TAF1D: variants seen among roughly 807,000 people sequenced by gnomAD.
TAF1D encodes TATA box-binding protein-associated factor RNA polymerase I subunit D.
Under a neutral mutation model 26.2 loss-of-function variants are expected in TAF1D, and 23 were observed. The ratio of observed to expected loss-of-function variants is 0.88; its 90% CI spans 0.63 to 1.25. The LOEUF is 1.25. Ranked by LOEUF, TAF1D falls within the 50% of genes most tolerant of loss-of-function variation. The pLI is 0.00. For synonymous variants in TAF1D, 100 were observed against 105.6 expected (o/e 0.95, Z 0.33); for missense variants, 299 against 322.0 (o/e 0.93, Z 0.55).
At chr11:93,740,868 T>TC (rs1253013569) in intron 1 of TAF1D, among the ~76,000 whole-genome samples, 1 of 152,132 alleles carries the variant, frequency 6.6e-6, no homozygotes, top group Non-Finnish European at 1.5e-5. Flanking sequence ...TAGAAGACAC[T>TC]CCTACTTGGG....
At chr11:93,733,778 C>T (rs1431046215), downstream of TAF1D, 2 of 264,492 alleles carry the variant, frequency 7.6e-6, no homozygotes, top group Non-Finnish European at 1.5e-5. Flanking sequence ...CTGCCTTAGC[C>T]TCCAGAGTAG....
In TAF1D at chr11:93,730,308, AT is replaced by A. The variant is rs746851098; in HGVS notation, c.*1142del. On this transcript the variant is annotated 3_prime_UTR_variant and NMD_transcript_variant, in exon 12 of 12. Coordinates refer to the TAF1D transcript ENST00000323981. ...GTGTAAAGGTTTTTTAATTGTGTAT[AT>A]GTAGCATTAGACAAAATTATTTAAA... 5.1e-6 allele frequency: 7 copies of A among 1,360,462 alleles called. No homozygotes were observed. The East Asian group carries it at 1.5e-4, about 29-fold the overall frequency. 84.3% of individuals were successfully genotyped at this position (1,360,462 alleles called of 1,614,324 possible).
Position 93,738,367 on chromosome 11 carries a change from G to A in TAF1D, c.201C>T (p.Asp67=), listed in dbSNP as rs778946316. ...TCAATGGTATTGGTTCAAAAGATGA[G>A]TCACTTGATGAATCACTTGCGTGAA... ...ESVHASDSSS[D]SSFEPIPLTI... is the part of the protein sequence containing the mutation. The change falls in exon 3 of 6, where the codon GAC becomes GAT. Residue 67 remains aspartate (D), a synonymous_variant. Transcript: ENST00000448108. 1.9e-5 allele frequency: 30 copies of A among 1,613,800 alleles called. 1 individual carries two copies. In the South Asian group the frequency reaches 3.2e-4, roughly 17 times the overall value.
intron 3 of TAF1D, 120 bp from the exon 4 acceptor site, chr11:93,737,359 A>C: frequency 3.4e-6 from 2 of 592,880 alleles, no homozygotes; most frequent in South Asian, 2.8e-5. Flanking sequence ...TATCTTAACT[A>C]CTCCCCACTT....
chr11:93,731,393 G>C, downstream of TAF1D: 1 of 421,266 alleles, frequency 2.4e-6, no homozygotes, highest in Non-Finnish European at 4.7e-6. Flanking sequence ...AAAAATCAAT[G>C]ATCCCATGCC....
At chr11:93,736,947 C>T in intron 4 of TAF1D, 117 bp downstream of exon 4, 1 of 1,112,672 alleles carries the variant, frequency 9.0e-7, no homozygotes, top group Non-Finnish European at 1.3e-6. Context: ...AATTGTCATA[C>T]TCTGTATCTT....
At chr11:93,734,890 A>G (rs777082386), downstream of TAF1D, 18 of 779,200 alleles carry the variant, frequency 2.3e-5, no homozygotes, top group Non-Finnish European at 2.6e-5. Context: ...CCCCTTTCTG[A>G]GTAACTCCAA....
downstream of TAF1D, chr11:93,732,602 CTT>C: frequency 2.7e-6 from 1 of 377,058 alleles, no homozygotes; most frequent in South Asian, 2.1e-5. Flanking sequence ...ATAATTTGAG[CTT>C]TTTTCCTAAT....
chr11:93,736,371 C>G, intron 5 of TAF1D, 67 bp from the exon 6 acceptor site: 1 of 1,496,094 alleles, frequency 6.7e-7, no homozygotes, highest in Non-Finnish European at 8.9e-7. Context: ...TTACATATAG[C>G]TGAATGCCCT....
At chr11:93,741,174 T>A in intron 1 of TAF1D, 148 bp downstream of exon 1, 1 of 368,248 alleles carries the variant, frequency 2.7e-6, no homozygotes, top group Non-Finnish European at 5.3e-6. Flanking sequence ...TGGCGCGGAG[T>A]GGCCTGCGGC....
At chr11:93,734,479 T>C, downstream of TAF1D, 1 of 372,542 alleles carries the variant, frequency 2.7e-6, no homozygotes. Context: ...AATGTGTGAA[T>C]CTAGGATTCT....
downstream of TAF1D, chr11:93,732,336 G>A (rs1002861927): frequency 3.9e-6 from 2 of 517,320 alleles, no homozygotes; most frequent in East Asian, 1.1e-4. Context: ...ATATCAAACT[G>A]AACACTCTGA....
chr11:93,733,166 G>T (rs866681944), downstream of TAF1D: 3 of 508,106 alleles, frequency 5.9e-6, no homozygotes, highest in Non-Finnish European at 1.2e-5. Context: ...TACATTTCCA[G>T]TTATTAAAAC....
downstream of TAF1D, chr11:93,735,132 C>A (rs757184505): frequency 5.9e-5 from 80 of 1,349,162 alleles, no homozygotes; most frequent in Non-Finnish European, 7.2e-5. Flanking sequence ...TTATATGTAT[C>A]AAAACTCATA....
chr11:93,738,379 A>T lies in TAF1D; in HGVS notation c.189T>A (p.Asp63Glu). Residue 63 changes from aspartate (D) to glutamate (E), a missense_variant, in exon 3 of 6, where the codon GAT becomes GAA. Transcript: ENST00000448108. ...VRTPESVHAS[D>E]SSSDSSFEPI... Reference sequence around the variant, plus strand: ...GTTCAAAAGATGAGTCACTTGATGAATCACTTGCGTGAACACTTTCAGGTG... The same window carrying T: ...GTTCAAAAGATGAGTCACTTGATGATTCACTTGCGTGAACACTTTCAGGTG... 6.2e-7 allele frequency: 1 copy of T among 1,613,990 alleles called. No homozygotes were observed. The highest frequency in any genetic ancestry group is 8.5e-7 in the Non-Finnish European group (1 of 1,179,984).
downstream of TAF1D, chr11:93,734,066 TCTAA>T (rs1175892319): frequency 2.6e-5 from 4 of 152,620 alleles, no homozygotes. Flanking sequence ...AAGTTTAAAG[TCTAA>T]CTGTTGTTAT....
chr11:93,740,100 G>A (rs1941572909), intron 1 of TAF1D, among the ~76,000 whole-genome samples: 1 of 151,734 alleles, frequency 6.6e-6, no homozygotes, highest in African/African-American at 2.4e-5. Flanking sequence ...CTTGAGCCCA[G>A]GAGCTCAAGA....
intron 2 of TAF1D, chr11:93,738,994 A>T (rs1565244594): frequency 1.9e-6 from 1 of 518,944 alleles, no homozygotes; most frequent in Non-Finnish European, 3.4e-6. Context: ...TCTGGAAGAG[A>T]TGCTAATATG....
chr11:93,738,286 C>CT lies in TAF1D; in HGVS notation c.281dup (p.Lys95GlufsTer28), dbSNP rs746556335. ...CTGTTGGCTGGTACCTCCTCTTTTTCTTTTTTTTATATCTCTTTTTCCTGT... is the reference window on the plus strand; with the variant it reads ...CTGTTGGCTGGTACCTCCTCTTTTTCTTTTTTTTTATATCTCTTTTTCCTGT... On this transcript the variant is annotated frameshift_variant, in exon 3 of 6. Coordinates refer to ENST00000448108, the MANE Select transcript of TAF1D (RefSeq NM_024116.4). LOFTEE classifies it high-confidence loss of function. 4.4e-6 allele frequency: 7 copies of CT among 1,608,272 alleles called. No homozygotes were observed. The highest frequency in any genetic ancestry group is 2.2e-5 in the South Asian group (2 of 89,654).
Sources: gnomAD v4.1 joint callset for allele counts (sites outside exome capture counted in the v4.1 genomes callset) on GRCh38, gnomAD v4.1.1 for gene constraint, MANE v1.5 for transcripts, NCBI Gene and HGNC (gene_info 2026-07-23, HGNC 2026-07-21) for gene names.